Variants in ZBBX observed in about 807,000 individuals in gnomAD.
The protein encoded by ZBBX is zinc finger B-box domain containing.
A neutral mutation model predicts 108.5 loss-of-function variants in ZBBX; 101 were observed. That is an observed-to-expected ratio of 0.93 (90% CI 0.79 to 1.10). The LOEUF is 1.10. Ranked by LOEUF, ZBBX falls within the 50% of genes least tolerant of loss-of-function variation. ZBBX has a pLI of 0.00. For missense variants in ZBBX, 1,009 were observed against 941.4 expected (o/e 1.07, Z -0.94); for synonymous variants, 356 against 323.4 (o/e 1.10, Z -1.08).
chr3:167,303,885 T>A (rs1228684020), intron 17 of ZBBX, among the ~76,000 whole-genome samples: 1 of 152,218 alleles, frequency 6.6e-6, no homozygotes, highest in Non-Finnish European at 1.5e-5. Flanking sequence ...GGAATTGTAC[T>A]TTGTTATTTC....
intron 9 of ZBBX, among the ~76,000 whole-genome samples, chr3:167,341,385 A>C (rs1740511152): frequency 1.3e-5 from 2 of 151,922 alleles, no homozygotes; most frequent in Non-Finnish European, 2.9e-5. Context: ...AAAATAATGA[A>C]ATAAAACACA....
intron 8 of ZBBX, among the ~76,000 whole-genome samples, chr3:167,354,300 T>A (rs1743167269): frequency 6.6e-6 from 1 of 151,742 alleles, no homozygotes; most frequent in South Asian, 2.1e-4. Flanking sequence ...TTTTTACACA[T>A]CATAAAGTCA....
chr3:167,327,729 C>A (rs1193481934), intron 11 of ZBBX, among the ~76,000 whole-genome samples: 1 of 151,990 alleles, frequency 6.6e-6, no homozygotes, highest in Non-Finnish European at 1.5e-5. Flanking sequence ...GCCTGCCCAA[C>A]ATGGCAAAAC....
intron 1 of ZBBX, among the ~76,000 whole-genome samples, chr3:167,394,812 A>C (rs1158649213): frequency 6.6e-6 from 1 of 152,078 alleles, no homozygotes; most frequent in African/African-American, 2.4e-5. Context: ...CAAGGGTCCA[A>C]TCATGGAAAT....
chr3:167,350,688 T>A (rs1426712863), intron 8 of ZBBX, among the ~76,000 whole-genome samples, 173 bp from the exon 9 acceptor site: 9 of 151,674 alleles, frequency 5.9e-5, no homozygotes, highest in Admixed American at 3.9e-4. Context: ...TAACTGGGAC[T>A]AGTTGTCCCA....
At chr3:167,310,020 G>T (rs1381433841) in intron 16 of ZBBX, among the ~76,000 whole-genome samples, 1 of 152,112 alleles carries the variant, frequency 6.6e-6, no homozygotes. Context: ...GTCACATCTT[G>T]AATGCTTTGT....
chr3:167,340,035 T>A (rs560123337), intron 9 of ZBBX, among the ~76,000 whole-genome samples: 40 of 152,256 alleles, frequency 2.6e-4, no homozygotes, highest in Non-Finnish European at 2.4e-4. Flanking sequence ...CTTTAATTTA[T>A]GGTAAAACAA....
At chr3:167,341,997 A>G (rs1463885975) in intron 9 of ZBBX, among the ~76,000 whole-genome samples, 1 of 151,824 alleles carries the variant, frequency 6.6e-6, no homozygotes, top group Non-Finnish European at 1.5e-5. Context: ...GTCAGATTCC[A>G]TGAAAAAAAT....
intron 2 of ZBBX, among the ~76,000 whole-genome samples, chr3:167,378,713 G>T (rs1048728098): frequency 6.6e-6 from 1 of 152,174 alleles, no homozygotes; most frequent in Non-Finnish European, 1.5e-5. Flanking sequence ...GGAGCATCAA[G>T]ATTGTGCTTT....
At chr3:167,246,816 T>A (rs1340755969) in intron 20 of ZBBX, among the ~76,000 whole-genome samples, 1 of 152,220 alleles carries the variant, frequency 6.6e-6, no homozygotes, top group African/African-American at 2.4e-5. Context: ...AAGGAAGTAG[T>A]TATAATGTTA....
rs762398375 is a variant in ZBBX, at chr3:167,305,669, C to T, written c.1699G>A (p.Glu567Lys). 2 of 1,573,536 alleles carry T rather than the reference C, an allele frequency of 1.3e-6. No homozygotes were observed. Among genetic ancestry groups the T allele is most frequent in the South Asian group, 2.4e-5 (2 of 82,236 alleles). ...SNLYKRPSFE[E>K]SKTTKSSLLL... ...AGTGATGACTTTGTAGTTTTTGATT[C>T]TTCAAAGCTTGGCCTCTTATACAGA... is the stretch of plus-strand genomic sequence containing the variant. The change falls in exon 17 of 22, where the codon GAA becomes AAA. Residue 567 changes from glutamate to lysine, a missense_variant. Glu to Lys is a moderately conservative substitution (Grantham distance 56). Coordinates refer to ENST00000675490, the MANE Select transcript of ZBBX (RefSeq NM_001199201.2).
At position 167,365,905 on chromosome 3, in the gene ZBBX, T is replaced by C. The variant is rs372434889; in HGVS notation, c.254A>G (p.Asn85Ser). Residue 85 changes from asparagine (N) to serine (S), a missense_variant, in exon 6 of 22, where the codon AAT becomes AGT. Transcript: ENST00000675490. ...LVNQSYMMSQNKGNVVKFSAG... is the reference protein window; with the variant it reads ...LVNQSYMMSQSKGNVVKFSAG... ...TCTTACCTTAACAACATTTCCTTTA[T>C]TTTGTGACATCATATATGATTGATT... 1 of 1,608,040 alleles carries C rather than the reference T, an allele frequency of 6.2e-7. No individual in the cohort carries two copies. The highest frequency in any genetic ancestry group is 8.5e-7 in the Non-Finnish European group (1 of 1,176,032).
At chr3:167,272,931 T>G (rs1425421168) in intron 20 of ZBBX, among the ~76,000 whole-genome samples, 2 of 152,308 alleles carry the variant, frequency 1.3e-5, no homozygotes, top group East Asian at 3.9e-4. Flanking sequence ...CCTCCCCCAG[T>G]TGCCAGTGTA....
At chr3:167,204,011 C>T in the ZBBX span, among the ~76,000 whole-genome samples, 2 of 152,054 alleles carry the variant, frequency 1.3e-5, no homozygotes, top group Admixed American at 1.3e-4. Flanking sequence ...ACTAAAATAT[C>T]TCATAGCTGT....
the ZBBX span, among the ~76,000 whole-genome samples, chr3:167,222,849 AG>A: frequency 0.31 from 46,904 of 151,726 alleles, 7,651 homozygotes; most frequent in East Asian, 0.65. Context: ...ACCAACATAT[AG>A]TTAGAATAAA....
At chr3:167,218,123 G>A in the ZBBX span, among the ~76,000 whole-genome samples, 2 of 152,064 alleles carry the variant, frequency 1.3e-5, no homozygotes, top group East Asian at 3.9e-4. Context: ...AGGGTGGGAG[G>A]AGGGAAAGGA....
intron 1 of ZBBX, among the ~76,000 whole-genome samples, chr3:167,396,879 T>C (rs1431080902): frequency 2.0e-5 from 3 of 151,802 alleles, no homozygotes; most frequent in Admixed American, 2.0e-4. Flanking sequence ...GTGTCTCCTT[T>C]AAAAAATGCT....
chr3:167,229,310 C>T, the ZBBX span, among the ~76,000 whole-genome samples: 1 of 151,784 alleles, frequency 6.6e-6, no homozygotes, highest in African/African-American at 2.4e-5. Context: ...GTCACTTCTT[C>T]TGTGAAGTTT....
downstream of ZBBX, among the ~76,000 whole-genome samples, chr3:167,238,168 C>T (rs774880878): frequency 3.3e-5 from 5 of 151,908 alleles, no homozygotes; most frequent in Non-Finnish European, 5.9e-5. Context: ...AACAGTAATG[C>T]TCATTTTAAC....
Sources: gnomAD v4.1 joint callset for allele counts (sites outside exome capture counted in the v4.1 genomes callset) on GRCh38, gnomAD v4.1.1 for gene constraint, MANE v1.5 for transcripts, NCBI Gene and HGNC (gene_info 2026-07-23, HGNC 2026-07-21) for gene names.